Variants in JMJD1C observed in about 807,000 individuals in gnomAD.
JMJD1C encodes jumonji domain-containing protein 1C.
A neutral mutation model predicts 245.3 loss-of-function variants in JMJD1C; 31 were observed. That is an observed-to-expected ratio of 0.13 (90% CI 0.09 to 0.17). The LOEUF is 0.17. JMJD1C is among the 10% of genes least tolerant of loss of function. The pLI is 1.00. For synonymous variants in JMJD1C, 1,057 were observed against 1,017.4 expected, an observed-to-expected ratio of 1.04 and a Z score of -0.74; for missense variants, 2,691 against 3,000.2, an observed-to-expected ratio of 0.90 and a Z score of 2.41.
At chr10:63,227,138 T>TG (rs1849390007) in intron 3 of JMJD1C, among the ~76,000 whole-genome samples, 1 of 152,148 alleles carries the variant, frequency 6.6e-6, no homozygotes, top group African/African-American at 2.4e-5. Flanking sequence ...TTTTAGGTGA[T>TG]TATGTACTTT....
intron 2 of JMJD1C, among the ~76,000 whole-genome samples, chr10:63,287,030 G>C (rs773413546): frequency 2.5e-4 from 38 of 152,146 alleles, no homozygotes; most frequent in South Asian, 2.1e-4. Flanking sequence ...TGGCAACATA[G>C]GGAGATCTTG....
Position 63,209,110 on chromosome 10 carries a change from G to T in JMJD1C, c.2820C>A (p.Ala940=), listed in dbSNP as rs1362509552. 1.2e-6 allele frequency: 2 copies of T among 1,613,800 alleles called. No homozygotes were observed. The highest frequency in any genetic ancestry group is 2.7e-5 in the African/African-American group (2 of 74,900). The change falls in exon 9 of 26, where the codon GCC becomes GCA. Residue 940 remains alanine (A), a synonymous_variant. Transcript: ENST00000399262. ...TTTTTGTCAATGGTGGACTGGAATGGGCTGTAATTTTAAGAGGCCGATGAG... is the reference window on the plus strand; with the variant it reads ...TTTTTGTCAATGGTGGACTGGAATGTGCTGTAATTTTAAGAGGCCGATGAG... The part of the protein sequence containing the change: ...AEPHRPLKIT[A]HSSPPLTKTL...
rs547635041 is a variant in JMJD1C, at chr10:63,362,458, C to CATATATATATTTATTT, written c.333+17844_333+17859dup. On this transcript the variant is annotated intron_variant, in intron 2 of 25. Transcript: ENST00000399262. ...CAATAGTTTAAATAGTTCAGTTACA[C>CATATATATATTTATTT]ATATATATATTTATTTATATATATA... Among the ~76,000 whole-genome samples, 466 of 103,108 alleles carry CATATATATATTTATTT rather than the reference C, an allele frequency of 4.5e-3. 3 individuals carry two copies. Among genetic ancestry groups the CATATATATATTTATTT allele is most frequent in the African/African-American group, 0.012 (426 of 36,262 alleles). The allele number at this position is 103,108 out of a possible 152,430, so 67.6% of individuals were successfully genotyped here. A position where few individuals can be genotyped will look rare whatever the true frequency, so the allele number is the denominator to read the frequency against.
chr10:63,498,671 G>T (rs1248692854), intron 1 of JMJD1C, among the ~76,000 whole-genome samples: 3 of 151,894 alleles, frequency 2.0e-5, no homozygotes, highest in Non-Finnish European at 4.4e-5. Context: ...AGACTAAAAA[G>T]AGATATATCA....
intron 1 of JMJD1C, among the ~76,000 whole-genome samples, chr10:63,456,457 T>A (rs527425356): frequency 6.6e-6 from 1 of 152,258 alleles, no homozygotes; most frequent in South Asian, 2.1e-4. Flanking sequence ...TACAGTCATT[T>A]TATATTAAAT....
Position 63,193,393 on chromosome 10 carries a change from T to C in JMJD1C, c.5814A>G (p.Lys1938=). 2 of 1,604,102 alleles carry C rather than the reference T, an allele frequency of 1.2e-6. No homozygotes were observed. Among genetic ancestry groups the C allele is most frequent in the Non-Finnish European group, 1.7e-6 (2 of 1,173,368 alleles). The part of the protein sequence containing the change: ...GIKSHCHCTN[K]QNLQVGNFPT... ...GAAAATTTCCAACTTGTAAATTCTG[T>C]TTGTTAGTACAATGACAATGGGATT... Residue 1938 remains lysine, a synonymous_variant, in exon 15 of 26, where the codon AAA becomes AAG. Transcript: ENST00000399262.
chr10:63,192,709 T>C (rs1004273397), intron 16 of JMJD1C, among the ~76,000 whole-genome samples: 2 of 152,192 alleles, frequency 1.3e-5, no homozygotes, highest in African/African-American at 2.4e-5. Context: ...CACTCCAGCC[T>C]GGGTGATAGT....
chr10:63,171,151 C>G (rs1188720921), intron 24 of JMJD1C, among the ~76,000 whole-genome samples: 2 of 151,270 alleles, frequency 1.3e-5, no homozygotes, highest in East Asian at 3.9e-4. Flanking sequence ...TATTTTTCGA[C>G]AAATTTTACT....
intron 10 of JMJD1C, 60 bp downstream of exon 10, chr10:63,206,535 C>A (rs1846645099): frequency 1.5e-6 from 2 of 1,329,418 alleles, no homozygotes; most frequent in Admixed American, 4.5e-5. Flanking sequence ...AAGCAGCACA[C>A]TAGTATAGCT....
At position 63,208,393 on chromosome 10, in the gene JMJD1C, G is replaced by A. The variant is rs1846911164; in HGVS notation, c.3276C>T (p.Asn1092=). 1 of 1,614,012 alleles carries A rather than the reference G, an allele frequency of 6.2e-7. No homozygotes were observed. The highest frequency in any genetic ancestry group is 8.5e-7 in the Non-Finnish European group (1 of 1,179,954). The change falls in exon 10 of 26, where the codon AAC becomes AAT. Residue 1092 remains asparagine (N), a synonymous_variant. Transcript: ENST00000399262. ...HSVPQSLPQS[N]YFTTLSNSVV... ...CACTATTAGACAATGTAGTGAAATA[G>A]TTACTTTGGGGTAAACTCTGAGGCA...
intron 3 of JMJD1C, among the ~76,000 whole-genome samples, chr10:63,247,086 C>T (rs1267309498): frequency 5.1e-5 from 6 of 117,550 alleles, no homozygotes; most frequent in African/African-American, 1.4e-4. Flanking sequence ...AAAGTGAGAA[C>T]GGAAATAAAC....
chr10:63,215,184 T>TC (rs746554788), intron 7 of JMJD1C, 33 bp from the exon 8 acceptor site: 3 of 1,506,434 alleles, frequency 2.0e-6, no homozygotes, highest in Admixed American at 4.2e-5. Context: ...GTCTTATTTT[T>TC]CATACTAAAT....
At chr10:63,209,974 A>T (rs922460185) in intron 8 of JMJD1C, among the ~76,000 whole-genome samples, 1 of 152,200 alleles carries the variant, frequency 6.6e-6, no homozygotes, top group Non-Finnish European at 1.5e-5. Flanking sequence ...TGTTAATAGG[A>T]TGATAGTCAA....
chr10:63,462,983 T>C (rs1475124053), intron 1 of JMJD1C, among the ~76,000 whole-genome samples: 2 of 152,150 alleles, frequency 1.3e-5, no homozygotes, highest in East Asian at 3.8e-4. Context: ...TCAACTACTT[T>C]GAAGTTCTTA....
intron 1 of JMJD1C, among the ~76,000 whole-genome samples, chr10:63,504,156 T>C (rs938978663): frequency 6.6e-6 from 1 of 152,236 alleles, no homozygotes; most frequent in Non-Finnish European, 1.5e-5. Flanking sequence ...TCTGTACTTT[T>C]CTGGCTATAG....
intron 1 of JMJD1C, among the ~76,000 whole-genome samples, chr10:63,464,377 A>G (rs1256085620): frequency 6.6e-6 from 1 of 152,234 alleles, no homozygotes; most frequent in Non-Finnish European, 1.5e-5. Context: ...AAAAAATATT[A>G]GGTAGATACC....
intron 1 of JMJD1C, among the ~76,000 whole-genome samples, chr10:63,447,250 G>T (rs1377998352): frequency 6.6e-6 from 1 of 152,174 alleles, no homozygotes; most frequent in South Asian, 2.1e-4. Context: ...GCACTCAAAG[G>T]TTTATAGCTT....
chr10:63,247,633 G>C (rs1852397017), intron 3 of JMJD1C, among the ~76,000 whole-genome samples: 1 of 149,718 alleles, frequency 6.7e-6, no homozygotes. Flanking sequence ...CTTGGAGGTT[G>C]AGGCAGGAGA....
At position 63,486,137 on chromosome 10, in the gene JMJD1C, T is replaced by TAAAAAAAAAA. The variant is rs1166721473; in HGVS notation, n.113+35591_113+35600dup. 2.6e-4 allele frequency among the ~76,000 whole-genome samples: 19 copies of TAAAAAAAAAA among 73,290 alleles called. 1 individual carries two copies. The highest frequency in any genetic ancestry group is 9.7e-4 in the African/African-American group (12 of 12,320). The allele number at this position is 73,290 out of a possible 152,430, so 48.1% of individuals were successfully genotyped here. ...GAAAGTAAAGGGCTTCAAGCAATTG[T>TAAAAAAAAAA]AAAAAAAAAAAAAAAAAAAAAAAAA... On this transcript the variant is annotated intron_variant and non_coding_transcript_variant, in intron 1 of 3. Coordinates refer to the JMJD1C transcript ENST00000633035.
Sources: allele counts gnomAD v4.1 joint callset (sites outside exome capture counted in the v4.1 genomes callset), GRCh38; gene constraint gnomAD v4.1.1; transcripts MANE v1.5; gene names NCBI Gene and HGNC (gene_info 2026-07-23, HGNC 2026-07-21).